Variants in ARB2A observed in about 807,000 individuals in gnomAD.
The protein encoded by ARB2A is cotranscriptional regulator ARB2A.
the ARB2A span, among the ~76,000 whole-genome samples, chr5:93,761,565 G>A: frequency 2.0e-5 from 3 of 152,192 alleles, no homozygotes; most frequent in African/African-American, 4.8e-5. Flanking sequence ...TGGGAAGCTC[G>A]AACTGGGTGG....
the ARB2A span, among the ~76,000 whole-genome samples, chr5:94,033,733 T>A: frequency 6.6e-6 from 1 of 152,132 alleles, no homozygotes; most frequent in Non-Finnish European, 1.5e-5. Flanking sequence ...CCAAAATGAA[T>A]GTATTTTGCA....
At chr5:93,677,004 T>C in the ARB2A span, among the ~76,000 whole-genome samples, 3 of 152,318 alleles carry the variant, frequency 2.0e-5, no homozygotes, top group East Asian at 5.8e-4. Context: ...CATAAAGATG[T>C]TGACAAATAT....
chr5:93,845,301 G>A, the ARB2A span, among the ~76,000 whole-genome samples: 3 of 152,140 alleles, frequency 2.0e-5, no homozygotes. Flanking sequence ...CTATTTAGGA[G>A]TACATATAGT....
the ARB2A span, among the ~76,000 whole-genome samples, chr5:94,030,492 C>G: frequency 6.6e-6 from 1 of 152,234 alleles, no homozygotes; most frequent in African/African-American, 2.4e-5. Context: ...TATCTCAGTG[C>G]CAGCAACAGT....
the ARB2A span, chr5:93,620,834 T>C: frequency 2.0e-6 from 2 of 991,538 alleles, no homozygotes; most frequent in Non-Finnish European, 2.8e-6. Context: ...CATCTAGAAA[T>C]AATGCAAAAC....
the ARB2A span, among the ~76,000 whole-genome samples, chr5:93,966,544 A>G: frequency 1.3e-5 from 2 of 152,146 alleles, no homozygotes; most frequent in East Asian, 3.8e-4. Flanking sequence ...ATAAAACTAT[A>G]TATCAAGTAA....
At chr5:93,874,656 A>G in the ARB2A span, among the ~76,000 whole-genome samples, 1 of 152,220 alleles carries the variant, frequency 6.6e-6, no homozygotes, top group Non-Finnish European at 1.5e-5. Context: ...AGGTGGTAAC[A>G]GGAACCCCTA....
At chr5:93,775,945 AC>A in the ARB2A span, among the ~76,000 whole-genome samples, 1 of 152,110 alleles carries the variant, frequency 6.6e-6, no homozygotes, top group Non-Finnish European at 1.5e-5. Context: ...GAATTGTTTC[AC>A]CTATTCATCT....
chr5:93,878,638 C>A, the ARB2A span, among the ~76,000 whole-genome samples: 3 of 151,590 alleles, frequency 2.0e-5, no homozygotes, highest in African/African-American at 7.3e-5. Context: ...AATATATATA[C>A]ATATTTATAG....
At chr5:93,768,665 TA>T in the ARB2A span, among the ~76,000 whole-genome samples, 1 of 152,006 alleles carries the variant, frequency 6.6e-6, no homozygotes, top group African/African-American at 2.4e-5. Flanking sequence ...ACTGCAGCCT[TA>T]AACTCCTGGG....
the ARB2A span, among the ~76,000 whole-genome samples, chr5:93,976,661 T>G: frequency 6.6e-6 from 1 of 152,144 alleles, no homozygotes; most frequent in Non-Finnish European, 1.5e-5. Context: ...GTGAAGAAGG[T>G]CCTTGCTTGC....
the ARB2A span, among the ~76,000 whole-genome samples, chr5:93,949,080 G>C: frequency 1.3e-5 from 2 of 152,102 alleles, no homozygotes; most frequent in African/African-American, 2.4e-5. Context: ...CCCTGAAGCT[G>C]CAACACCTTC....
chr5:93,690,373 G>A, the ARB2A span, among the ~76,000 whole-genome samples: 1 of 152,158 alleles, frequency 6.6e-6, no homozygotes, highest in East Asian at 1.9e-4. Flanking sequence ...TGGGGGGAAG[G>A]GTGTCCGCCA....
the ARB2A span, among the ~76,000 whole-genome samples, chr5:94,088,802 T>C: frequency 6.6e-6 from 1 of 152,224 alleles, no homozygotes; most frequent in Non-Finnish European, 1.5e-5. Flanking sequence ...TGAAGATGTA[T>C]AAGAAATTAA....
the ARB2A span, among the ~76,000 whole-genome samples, chr5:93,873,808 C>G: frequency 2.0e-5 from 3 of 152,148 alleles, no homozygotes; most frequent in Non-Finnish European, 2.9e-5. Flanking sequence ...TCCCCATATC[C>G]CATTCTTTCT....
the ARB2A span, among the ~76,000 whole-genome samples, chr5:93,697,039 G>A: frequency 7.6e-5 from 11 of 145,046 alleles, no homozygotes; most frequent in South Asian, 2.5e-3. Flanking sequence ...TCCAGCCTGG[G>A]TGACAAAGCG....
At chr5:93,844,438 T>C in the ARB2A span, among the ~76,000 whole-genome samples, 1 of 151,518 alleles carries the variant, frequency 6.6e-6, no homozygotes, top group Admixed American at 6.6e-5. Context: ...TGAGACTCCA[T>C]CTCAAAAGAA....
chr5:93,976,275 A>G, the ARB2A span, among the ~76,000 whole-genome samples: 195 of 152,308 alleles, frequency 1.3e-3, 5 homozygotes, highest in South Asian at 0.03. Context: ...TCTCAAAATA[A>G]TAAGAGTCAT....
the ARB2A span, among the ~76,000 whole-genome samples, chr5:93,653,781 A>G: frequency 6.6e-6 from 1 of 152,148 alleles, no homozygotes; most frequent in Non-Finnish European, 1.5e-5. Context: ...CTATCCTTAT[A>G]AAAAACCAGT....
Sources: allele counts gnomAD v4.1 joint callset (sites outside exome capture counted in the v4.1 genomes callset), GRCh38; gene constraint gnomAD v4.1.1; transcripts MANE v1.5; gene names NCBI Gene and HGNC (gene_info 2026-07-23, HGNC 2026-07-21).